DPH6: variants seen among roughly 807,000 people sequenced by gnomAD.
The protein encoded by DPH6 is diphthine--ammonia ligase.
In DPH6, 33 loss-of-function variants were observed where a neutral mutation model predicts 38.2. That is an observed-to-expected ratio of 0.86 (90% confidence interval 0.65 to 1.15). The LOEUF is 1.15. Among genes scored for constraint, DPH6 ranks in the 50% most tolerant of loss-of-function variants. The pLI is 0.00. For missense variants in DPH6, 325 were observed against 320.0 expected, an observed-to-expected ratio of 1.02 and a Z score of -0.12; for synonymous variants, 108 against 103.0, an observed-to-expected ratio of 1.05 and a Z score of -0.30.
chr15:35,478,366 TACACACAC>T lies in DPH6; in HGVS notation c.313-23554_313-23547del, dbSNP rs66521447. On this transcript the variant is annotated intron_variant, in intron 3 of 8. Coordinates refer to ENST00000256538, the MANE Select transcript of DPH6 (RefSeq NM_080650.4). Reference sequence around the variant, plus strand: ...TTACCCATACACACATACCCACACATACACACACACACACACACACACACACACACACA... The same window carrying T: ...TTACCCATACACACATACCCACACATACACACACACACACACACACACACA... Among the ~76,000 whole-genome samples the T allele has an allele frequency of 3.1e-3, 436 of 142,094 alleles. 1 individual carries two copies. The highest frequency in any genetic ancestry group is 0.01 in the South Asian group (46 of 4,496). 93.2% of individuals were successfully genotyped at this position (142,094 alleles called of 152,430 possible).
the DPH6 span, among the ~76,000 whole-genome samples, chr15:35,205,664 C>T: frequency 6.6e-6 from 1 of 151,896 alleles, no homozygotes; most frequent in Admixed American, 6.6e-5. Context: ...TTTGGATGTA[C>T]ACCATTCTGT....
At chr15:35,466,802 T>C (rs1449152537) in intron 3 of DPH6, among the ~76,000 whole-genome samples, 2 of 152,132 alleles carry the variant, frequency 1.3e-5, no homozygotes, top group Non-Finnish European at 2.9e-5. Flanking sequence ...CTGTAGGGAA[T>C]TGTAACAATG....
At chr15:35,417,957 T>C (rs1439880640) in intron 5 of DPH6, among the ~76,000 whole-genome samples, 1 of 152,122 alleles carries the variant, frequency 6.6e-6, no homozygotes, top group East Asian at 1.9e-4. Flanking sequence ...GGAGGAGCTA[T>C]TAAAAGCCTC....
chr15:35,371,905 T>C lies in DPH6; in HGVS notation c.*245A>G. On this transcript the variant is annotated 3_prime_UTR_variant, in exon 9 of 9. Coordinates refer to ENST00000256538, the MANE Select transcript of DPH6 (RefSeq NM_080650.4). ...ATGAAATAAAAGAAAAAAAAGGTCA[T>C]AGGGAAGATGTGTTAACGAAAGAGA... 1 of 1,184,958 alleles carries C rather than the reference T, an allele frequency of 8.4e-7. No individual in the cohort carries two copies. The highest frequency in any genetic ancestry group is 1.1e-6 in the Non-Finnish European group (1 of 951,170). The allele number at this position is 1,184,958 out of a possible 1,614,324, so 73.4% of individuals were successfully genotyped here. A position where few individuals can be genotyped will look rare whatever the true frequency, so the allele number is the denominator to read the frequency against.
At chr15:35,377,393 A>T (rs79808482) in intron 7 of DPH6, among the ~76,000 whole-genome samples, 39,615 of 151,996 alleles carry the variant, frequency 0.26, 5,332 homozygotes, top group South Asian at 0.38. Flanking sequence ...GCAGTAATAC[A>T]GTGATACTGA....
At chr15:35,522,257 G>A (rs745821749) in intron 3 of DPH6, 20 of 1,613,044 alleles carry the variant, frequency 1.2e-5, no homozygotes, top group Admixed American at 1.0e-4. Context: ...TATTCAGCAA[G>A]CAAGGTCATT....
At chr15:35,177,834 C>T in the DPH6 span, among the ~76,000 whole-genome samples, 2 of 151,744 alleles carry the variant, frequency 1.3e-5, no homozygotes, top group South Asian at 2.1e-4. Flanking sequence ...CCCAGCTACT[C>T]GGGAGGCTGA....
intron 5 of DPH6, among the ~76,000 whole-genome samples, chr15:35,434,100 C>A (rs1178303037): frequency 6.6e-6 from 1 of 152,130 alleles, no homozygotes; most frequent in African/African-American, 2.4e-5. Flanking sequence ...TAGTACAAAT[C>A]AGACTCAAAA....
chr15:35,416,984 C>G (rs1259314070), intron 5 of DPH6, among the ~76,000 whole-genome samples: 1 of 151,858 alleles, frequency 6.6e-6, no homozygotes, highest in Non-Finnish European at 1.5e-5. Flanking sequence ...TCATCCTACT[C>G]CAGAATATAT....
the DPH6 span, among the ~76,000 whole-genome samples, chr15:35,181,545 A>T: frequency 6.6e-6 from 1 of 151,922 alleles, no homozygotes; most frequent in South Asian, 2.1e-4. Context: ...GACTTAATCA[A>T]TTGAGATTAT....
chr15:35,345,074 G>A (rs563911673), intron 3 of DPH6, among the ~76,000 whole-genome samples: 2 of 151,828 alleles, frequency 1.3e-5, no homozygotes, highest in East Asian at 1.9e-4. Context: ...GTAGAATATA[G>A]TATTATCATC....
At chr15:35,531,108 C>T (rs2055081195) in intron 3 of DPH6, among the ~76,000 whole-genome samples, 1 of 152,142 alleles carries the variant, frequency 6.6e-6, no homozygotes, top group African/African-American at 2.4e-5. Context: ...ATATGTTTCT[C>T]CCATTCCAAA....
intron 6 of DPH6, among the ~76,000 whole-genome samples, chr15:35,409,962 TTG>T (rs1256062486): frequency 6.6e-6 from 1 of 151,734 alleles, no homozygotes; most frequent in Admixed American, 6.6e-5. Flanking sequence ...TTCTAGGCAT[TTG>T]GTACATATTG....
chr15:35,146,803 G>C, the DPH6 span, among the ~76,000 whole-genome samples: 2 of 152,022 alleles, frequency 1.3e-5, no homozygotes, highest in Non-Finnish European at 2.9e-5. Context: ...ATTTAAAATG[G>C]TATTCATTTG....
Position 35,239,381 on chromosome 15 carries a change from C to T in DPH6, n.201-18799G>A, listed in dbSNP as rs768995746. Among the ~76,000 whole-genome samples, 119 of 144,062 alleles carry T rather than the reference C, an allele frequency of 8.3e-4. 12 individuals carry two copies. The highest frequency in any genetic ancestry group is 1.4e-3 in the Non-Finnish European group (95 of 65,536). 94.5% of individuals were successfully genotyped at this position (144,062 alleles called of 152,430 possible). ...TTTATCTGTGGACCCCAAACTCCGG[C>T]GCCGGTCACGGACTGGGAAGGCAGC... On this transcript the variant is annotated intron_variant and non_coding_transcript_variant, in intron 3 of 3. Coordinates refer to the DPH6 transcript ENST00000560386.
chr15:35,238,656 C>G (rs2051574781), intron 3 of DPH6, among the ~76,000 whole-genome samples: 1 of 152,216 alleles, frequency 6.6e-6, no homozygotes, highest in African/African-American at 2.4e-5. Context: ...CAAGCCAAGC[C>G]ATCGCATCCC....
At chr15:35,500,162 A>G (rs1364571587) in intron 3 of DPH6, among the ~76,000 whole-genome samples, 2 of 152,196 alleles carry the variant, frequency 1.3e-5, no homozygotes, top group Non-Finnish European at 2.9e-5. Context: ...CCATGCTACA[A>G]TATAATCAGT....
chr15:35,378,140 A>G (rs1425019652), intron 7 of DPH6, among the ~76,000 whole-genome samples: 2 of 152,236 alleles, frequency 1.3e-5, no homozygotes, highest in Non-Finnish European at 2.9e-5. Context: ...ACAAGAAAAA[A>G]ACAACCCCAT....
At chr15:35,271,716 A>G (rs567782952) in intron 3 of DPH6, among the ~76,000 whole-genome samples, 45 of 152,320 alleles carry the variant, frequency 3.0e-4, no homozygotes, top group African/African-American at 1.1e-3. Flanking sequence ...GAATTGAAAC[A>G]TGGAATCTCT....
Sources: allele counts gnomAD v4.1 joint callset (sites outside exome capture counted in the v4.1 genomes callset), GRCh38; gene constraint gnomAD v4.1.1; transcripts MANE v1.5; gene names NCBI Gene and HGNC (gene_info 2026-07-23, HGNC 2026-07-21).